The following SLC10A2 variants were observed in gnomAD, a reference collection of about 807,000 sequenced individuals.
SLC10A2 encodes ileal sodium/bile acid cotransporter.
Under a neutral mutation model 27.1 loss-of-function variants are expected in SLC10A2, and 34 were observed. The observed-to-expected ratio is 1.26, with a 90% CI of 0.96 to 1.67. The LOEUF is 1.67. Among genes scored for constraint, SLC10A2 ranks in the 40% most tolerant of loss-of-function variants. The pLI is 0.00. For missense variants in SLC10A2, 530 were observed against 444.4 expected (o/e 1.19, Z -1.73); for synonymous variants, 205 against 174.0 (o/e 1.18, Z -1.40).
At position 103,066,308 on chromosome 13, in the gene SLC10A2, C is replaced by T. The variant is rs944822319; in HGVS notation, c.-59G>A. ...AGAAGCGCTGGTCCCTGGGCCCTGG[C>T]TCTGCTGCTGGTTGAGTTAAGCAAC... is the stretch of plus-strand genomic sequence containing the variant. On this transcript the variant is annotated 5_prime_UTR_variant, in exon 1 of 6. Transcript: ENST00000245312. 14 of 1,525,896 alleles carry T rather than the reference C, an allele frequency of 9.2e-6. No homozygotes were observed. The African/African-American group carries it at 1.9e-4, about 21-fold the overall frequency. The allele number at this position is 1,525,896 out of a possible 1,614,324, so 94.5% of individuals were successfully genotyped here. A position where few individuals can be genotyped will look rare whatever the true frequency, so the allele number is the denominator to read the frequency against.
chr13:103,060,539 CTAA>C (rs1312277184), intron 1 of SLC10A2, among the ~76,000 whole-genome samples: 1 of 151,966 alleles, frequency 6.6e-6, no homozygotes, highest in Non-Finnish European at 1.5e-5. Flanking sequence ...CCATGCCAGG[CTAA>C]TTTTTAAATT....
chr13:103,048,303 A>G (rs754886849), intron 5 of SLC10A2, among the ~76,000 whole-genome samples: 1 of 151,788 alleles, frequency 6.6e-6, no homozygotes, highest in Non-Finnish European at 1.5e-5. Flanking sequence ...AGGTGGGAGA[A>G]TGGCGTGAAC....
chr13:103,065,966 A>C lies in SLC10A2; in HGVS notation c.284T>G (p.Leu95Arg). The C allele has an allele frequency of 6.2e-7, 1 of 1,614,178 alleles. No individual in the cohort carries two copies. Among genetic ancestry groups the C allele is most frequent in the South Asian group, 1.1e-5 (1 of 91,082 alleles). The change falls in exon 1 of 6, where the codon CTC (leucine) becomes CGC (arginine). Residue 95 changes from leucine (L) to arginine (R), a missense_variant. Transcript: ENST00000245312. ...TATAATGAGCACCACTACGGCCTGG[A>C]GCGGGAGGATGTCAAAGGCCACCGA... is the stretch of plus-strand genomic sequence containing the variant. ...ILSVAFDILP[L>R]QAVVVLIIGC... is the part of the protein sequence containing the mutation.
At position 103,052,659 on chromosome 13, in the gene SLC10A2, A is replaced by C. The variant is rs749030770; in HGVS notation, c.546T>G (p.Val182=). Reference sequence around the variant, plus strand: ...TTGCTTTTTGGGGCCATTTGTGATTAACAAACATTCCAATGGAAACAGGAA... The same window carrying C: ...TTGCTTTTTGGGGCCATTTGTGATTCACAAACATTCCAATGGAAACAGGAA... ...LVVPVSIGMF[V]NHKWPQKAKI... The change falls in exon 3 of 6, where the codon GTT becomes GTG. Residue 182 remains valine, a synonymous_variant. Coordinates refer to ENST00000245312, the MANE Select transcript of SLC10A2 (RefSeq NM_000452.3). The C allele has an allele frequency of 4.3e-6, 7 of 1,612,284 alleles. No individual in the cohort carries two copies. In the East Asian group the frequency reaches 1.3e-4, roughly 31 times the overall value.
intron 1 of SLC10A2, among the ~76,000 whole-genome samples, chr13:103,065,510 A>G (rs1456130673): frequency 1.3e-5 from 2 of 152,068 alleles, no homozygotes; most frequent in Non-Finnish European, 2.9e-5. Flanking sequence ...ATTACAAAGA[A>G]AGTGTATTTT....
At chr13:103,050,019 A>T (rs1875728647) in intron 4 of SLC10A2, among the ~76,000 whole-genome samples, 1 of 151,744 alleles carries the variant, frequency 6.6e-6, no homozygotes, top group Non-Finnish European at 1.5e-5. Flanking sequence ...TTAGCCAGGC[A>T]AGGTGGTGTG....
intron 2 of SLC10A2, among the ~76,000 whole-genome samples, chr13:103,055,805 A>G (rs1255496984): frequency 6.6e-6 from 1 of 152,256 alleles, no homozygotes; most frequent in Non-Finnish European, 1.5e-5. Flanking sequence ...GCTGTTAGAT[A>G]TAAAGGAATA....
chr13:103,045,873 G>A lies in SLC10A2; in HGVS notation c.*260C>T, dbSNP rs1875593358. The A allele has an allele frequency of 3.4e-6, 1 of 293,168 alleles. No homozygotes were observed. 18.2% of individuals were successfully genotyped at this position (293,168 alleles called of 1,614,324 possible). A position where few individuals can be genotyped will look rare whatever the true frequency, so the allele number is the denominator to read the frequency against. ...CAGGTTTAGTCTGAGAATATTTTGGGGGAATATTTCAATGACAATATATCT... is the reference window on the plus strand; with the variant it reads ...CAGGTTTAGTCTGAGAATATTTTGGAGGAATATTTCAATGACAATATATCT... On this transcript the variant is annotated 3_prime_UTR_variant, in exon 6 of 6. Transcript: ENST00000245312.
chr13:103,058,073 C>T (rs2138920769), intron 2 of SLC10A2, among the ~76,000 whole-genome samples, 191 bp downstream of exon 2: 1 of 152,168 alleles, frequency 6.6e-6, no homozygotes, highest in African/African-American at 2.4e-5. Flanking sequence ...CAGGTTCTCC[C>T]ATAAGGTCAA....
chr13:103,057,247 G>T (rs967037123), intron 2 of SLC10A2, among the ~76,000 whole-genome samples: 6 of 152,156 alleles, frequency 3.9e-5, no homozygotes, highest in African/African-American at 1.4e-4. Context: ...TCTTTTGTTC[G>T]TGATAGTTCT....
intron 1 of SLC10A2, 128 bp downstream of exon 1, chr13:103,065,745 C>T (rs1876251540): frequency 9.7e-7 from 1 of 1,036,018 alleles, no homozygotes; most frequent in Non-Finnish European, 1.5e-6. Flanking sequence ...TGCATTTATT[C>T]TCTCCTGTTT....
At chr13:103,063,082 G>A (rs947112118) in intron 1 of SLC10A2, among the ~76,000 whole-genome samples, 8 of 152,136 alleles carry the variant, frequency 5.3e-5, no homozygotes, top group African/African-American at 1.7e-4. Flanking sequence ...TGATGTCCAT[G>A]GCACAGCTGC....
intron 1 of SLC10A2, among the ~76,000 whole-genome samples, chr13:103,062,638 A>T (rs1876155782): frequency 2.0e-5 from 3 of 152,208 alleles, no homozygotes; most frequent in Admixed American, 2.0e-4. Context: ...GGAAGGATTG[A>T]TTGCTGTGAA....
chr13:103,065,731 G>A (rs919509600), intron 1 of SLC10A2, 142 bp downstream of exon 1: 2 of 910,198 alleles, frequency 2.2e-6, no homozygotes, highest in African/African-American at 3.2e-5. Flanking sequence ...AGAAGGCACG[G>A]GAATGCATTT....
intron 2 of SLC10A2, among the ~76,000 whole-genome samples, chr13:103,057,707 C>T (rs7330346): frequency 0.41 from 61,979 of 151,800 alleles, 12,956 homozygotes; most frequent in African/African-American, 0.49. Flanking sequence ...GGAGAAACCC[C>T]GTCCCTATTA....
chr13:103,051,366 TTTGGTACAATA>T lies in SLC10A2; in HGVS notation c.641_651del (p.Ile214LysfsTer29), dbSNP rs761483312. 3 of 1,614,068 alleles carry T rather than the reference TTTGGTACAATA, an allele frequency of 1.9e-6. No homozygotes were observed. In the Admixed American group the frequency reaches 5.0e-5, roughly 27 times the overall value. ...AGTTTGGGAGCAATGATCCAGGCGC[TTTGGTACAATA>T]TTCCTCCAACCACAGCTATGAGCAC... On this transcript the variant is annotated frameshift_variant, in exon 4 of 6. Coordinates refer to ENST00000245312, the MANE Select transcript of SLC10A2 (RefSeq NM_000452.3). LOFTEE classifies it high-confidence loss of function.
At chr13:103,048,117 T>C (rs1006474251) in intron 5 of SLC10A2, among the ~76,000 whole-genome samples, 4 of 152,024 alleles carry the variant, frequency 2.6e-5, no homozygotes, top group Non-Finnish European at 5.9e-5. Context: ...AGCAGAAAAG[T>C]AAAGCAAAAC....
At position 103,045,818 on chromosome 13, in the gene SLC10A2, A is replaced by C. The variant is rs279941; in HGVS notation, c.*315T>G. The C allele has an allele frequency of 0.88, 184,473 of 210,524 alleles. 81,136 individuals carry two copies. The highest frequency in any genetic ancestry group is 0.93 in the African/African-American group (39,843 of 43,014). 13.0% of individuals were successfully genotyped at this position (210,524 alleles called of 1,614,324 possible). Reference sequence around the variant, plus strand: ...CATAAGAATTCAGTTTTGGTGTTAAAGATGTTTTCATTCTCGGTGTTCCCT... The same window carrying C: ...CATAAGAATTCAGTTTTGGTGTTAACGATGTTTTCATTCTCGGTGTTCCCT... On this transcript the variant is annotated 3_prime_UTR_variant, in exon 6 of 6. Coordinates refer to ENST00000245312, the MANE Select transcript of SLC10A2 (RefSeq NM_000452.3).
chr13:103,061,978 C>T (rs1041921832), intron 1 of SLC10A2, among the ~76,000 whole-genome samples: 1 of 151,912 alleles, frequency 6.6e-6, no homozygotes, highest in Admixed American at 6.6e-5. Flanking sequence ...ATTAGACTGA[C>T]AGAAAAGAGT....
Sources: gnomAD v4.1 joint callset for allele counts (sites outside exome capture counted in the v4.1 genomes callset) on GRCh38, gnomAD v4.1.1 for gene constraint, MANE v1.5 for transcripts, NCBI Gene and HGNC (gene_info 2026-07-23, HGNC 2026-07-21) for gene names.